GARRE1: variants seen among roughly 807,000 people sequenced by gnomAD.
GARRE1 encodes granule associated Rac and RHOG effector protein 1.
GARRE1 carries 49 observed loss-of-function variants against 103.2 expected under a neutral mutation model. That is an observed-to-expected ratio of 0.47 (90% CI 0.38 to 0.60). The LOEUF (loss-of-function observed/expected upper bound fraction) is 0.60, where lower values mean the gene tolerates loss of function less well. Ranked by LOEUF, GARRE1 falls within the 20% of genes least tolerant of loss-of-function variation. The pLI is 0.00. For missense variants in GARRE1, 1,199 were observed against 1,370.5 expected (o/e 0.87, Z 1.98); for synonymous variants, 505 against 532.8 (o/e 0.95, Z 0.72).
intron 3 of GARRE1, among the ~76,000 whole-genome samples, chr19:34,325,920 T>C (rs1273126343): frequency 6.6e-6 from 1 of 152,010 alleles, no homozygotes; most frequent in Non-Finnish European, 1.5e-5. Flanking sequence ...GACCTTCTCC[T>C]CTAATTCTCA....
chr19:34,286,935 A>C (rs2145227453), intron 1 of GARRE1, among the ~76,000 whole-genome samples: 1 of 152,180 alleles, frequency 6.6e-6, no homozygotes, highest in Middle Eastern at 3.4e-3. Context: ...CTCAAATTAT[A>C]GCATACATCA....
chr19:34,344,907 C>T (rs1299697429), intron 10 of GARRE1, among the ~76,000 whole-genome samples: 1 of 151,694 alleles, frequency 6.6e-6, no homozygotes, highest in Non-Finnish European at 1.5e-5. Flanking sequence ...GGCGCGATCT[C>T]GGCTCACCGC....
At chr19:34,352,535 G>C in intron 13 of GARRE1, 112 bp from the exon 14 acceptor site, 1 of 843,346 alleles carries the variant, frequency 1.2e-6, no homozygotes. Flanking sequence ...GTGGGAGTGA[G>C]TGGGGCTCTC....
intron 1 of GARRE1, among the ~76,000 whole-genome samples, chr19:34,267,686 A>G (rs553549971): frequency 3.3e-5 from 5 of 152,058 alleles, no homozygotes; most frequent in African/African-American, 7.2e-5. Flanking sequence ...TGTAACAAAA[A>G]TAAACCGCAG....
intron 1 of GARRE1, among the ~76,000 whole-genome samples, chr19:34,272,237 AT>A (rs2145958613): frequency 6.6e-6 from 1 of 152,176 alleles, no homozygotes; most frequent in East Asian, 1.9e-4. Flanking sequence ...TTTTTGAAAC[AT>A]AGTCTTGCTC....
intron 10 of GARRE1, 28 bp downstream of exon 10, chr19:34,342,483 A>C: frequency 1.3e-6 from 2 of 1,576,602 alleles, no homozygotes; most frequent in Non-Finnish European, 1.7e-6. Context: ...TCCCTCGCCC[A>C]GTGTCAACAG....
intron 3 of GARRE1, among the ~76,000 whole-genome samples, chr19:34,325,279 G>A (rs1035742497): frequency 2.6e-5 from 4 of 152,156 alleles, no homozygotes; most frequent in Non-Finnish European, 4.4e-5. Context: ...AAAACCACCT[G>A]TGTCCTTGGA....
intron 2 of GARRE1, among the ~76,000 whole-genome samples, chr19:34,319,626 G>A (rs899002915): frequency 6.6e-6 from 1 of 152,060 alleles, no homozygotes; most frequent in East Asian, 1.9e-4. Flanking sequence ...TATAGGGGGT[G>A]GAGACAGGAT....
At chr19:34,288,768 A>G (rs1396301656) in intron 1 of GARRE1, among the ~76,000 whole-genome samples, 1 of 152,210 alleles carries the variant, frequency 6.6e-6, no homozygotes, top group Non-Finnish European at 1.5e-5. Context: ...ACCATGGGAG[A>G]CATAAGTTCT....
chr19:34,281,795 T>A (rs1327921070), intron 1 of GARRE1, among the ~76,000 whole-genome samples: 3 of 152,246 alleles, frequency 2.0e-5, no homozygotes, highest in African/African-American at 7.2e-5. Context: ...ATAGATTCAT[T>A]TGTCTTTTGT....
chr19:34,324,008 C>G (rs2074101009), intron 3 of GARRE1, among the ~76,000 whole-genome samples: 1 of 152,206 alleles, frequency 6.6e-6, no homozygotes, highest in African/African-American at 2.4e-5. Context: ...CTCTTCACAA[C>G]CATCTTTTCT....
At chr19:34,350,546 A>G (rs895605970) in intron 12 of GARRE1, among the ~76,000 whole-genome samples, 1 of 152,170 alleles carries the variant, frequency 6.6e-6, no homozygotes, top group African/African-American at 2.4e-5. Flanking sequence ...ATGGGCTTTA[A>G]GTCACATATC....
chr19:34,349,021 G>A lies in GARRE1; in HGVS notation c.2693G>A (p.Gly898Asp). Residue 898 changes from glycine to aspartate, a missense_variant, in exon 12 of 14, where the codon GGC becomes GAC. Gly to Asp is a moderately conservative substitution (Grantham distance 94, BLOSUM62 -1). Coordinates refer to ENST00000299505, the MANE Select transcript of GARRE1 (RefSeq NM_014686.5). ...CTTCTCTCTCTGGCTTTCAGGGATG[G>A]CCTGCACGGTGGCTGGTCGGGTGCT... Reference protein sequence around the residue: ...PFPEFFTEGDGLHGGWSGAQG... With the variant: ...PFPEFFTEGDDLHGGWSGAQG... 1 of 1,610,850 alleles carries A rather than the reference G, an allele frequency of 6.2e-7. No homozygotes were observed.
chr19:34,259,660 TTG>T (rs991610472), intron 1 of GARRE1, among the ~76,000 whole-genome samples: 1 of 150,612 alleles, frequency 6.6e-6, no homozygotes, highest in African/African-American at 2.4e-5. Context: ...GAAGTTTTTT[TTG>T]TTTGTTTGTT....
intron 3 of GARRE1, among the ~76,000 whole-genome samples, chr19:34,325,810 T>C (rs143009662): frequency 1.1e-3 from 160 of 152,260 alleles, no homozygotes; most frequent in African/African-American, 3.6e-3. Context: ...TCCTTGGATG[T>C]GTCTTTCTTT....
Position 34,352,891 on chromosome 19 carries a change from C to G in GARRE1, c.3149C>G (p.Pro1050Arg). ...CCCCCACCAGCACACAAGGCAGCAC[C>G]CAAGGGCTTCAAGGCCTTCCCTGGG... ...PPPPPAHKAA[P>R]KGFKAFPGKG... Residue 1050 changes from proline to arginine, a missense_variant, in exon 14 of 14, where the codon CCC becomes CGC. Transcript: ENST00000299505. 3 of 1,585,468 alleles carry G rather than the reference C, an allele frequency of 1.9e-6. No individual in the cohort carries two copies. Among genetic ancestry groups the G allele is most frequent in the Non-Finnish European group, 2.6e-6 (3 of 1,165,230 alleles).
At position 34,319,888 on chromosome 19, in the gene GARRE1, G is replaced by C; in HGVS notation, c.496-19G>C. On this transcript the variant is annotated intron_variant, in intron 2 of 13. Transcript: ENST00000299505. Reference sequence around the variant, plus strand: ...AGCAACCCACAACCTAAACATCCCTGGCTGTCTTGTTTTCACAGGTGTTGG... The same window carrying C: ...AGCAACCCACAACCTAAACATCCCTCGCTGTCTTGTTTTCACAGGTGTTGG... The C allele has an allele frequency of 6.2e-7, 1 of 1,611,694 alleles. No homozygotes were observed. Among genetic ancestry groups the C allele is most frequent in the East Asian group, 2.2e-5 (1 of 44,860 alleles).
chr19:34,263,626 C>T (rs1170344037), intron 1 of GARRE1, among the ~76,000 whole-genome samples: 1 of 151,712 alleles, frequency 6.6e-6, no homozygotes, highest in South Asian at 2.1e-4. Flanking sequence ...TACAGGTGCC[C>T]GCCACTACGT....
intron 8 of GARRE1, among the ~76,000 whole-genome samples, chr19:34,337,477 T>C (rs2074166519): frequency 6.6e-6 from 1 of 152,180 alleles, no homozygotes; most frequent in Non-Finnish European, 1.5e-5. Context: ...GAGCCTGTCA[T>C]GCAGAGAGCC....
Sources: gnomAD v4.1 joint callset for allele counts (sites outside exome capture counted in the v4.1 genomes callset) on GRCh38, gnomAD v4.1.1 for gene constraint, MANE v1.5 for transcripts, NCBI Gene and HGNC (gene_info 2026-07-23, HGNC 2026-07-21) for gene names.